Variants in LINGO3 observed in about 807,000 individuals in gnomAD.
LINGO3 encodes leucine rich repeat and Ig domain containing 3.
For missense variants in LINGO3, 750 were observed against 867.7 expected (o/e 0.86, Z 1.70); for synonymous variants, 427 against 444.2 (o/e 0.96, Z 0.49).
downstream of LINGO3, among the ~76,000 whole-genome samples, chr19:2,287,202 C>T (rs1310165431): frequency 2.0e-5 from 3 of 151,956 alleles, no homozygotes; most frequent in African/African-American, 7.3e-5. This position sits in a 1 kb window ranked among gnomAD's most constrained non-coding sequence, Gnocchi z 4.5. Flanking sequence ...TGGATTTGAA[C>T]CAAATACAGC....
chr19:2,302,999 C>G, the LINGO3 span, among the ~76,000 whole-genome samples: 2 of 152,264 alleles, frequency 1.3e-5, no homozygotes, highest in Admixed American at 1.3e-4. Context: ...CTGTGCACGG[C>G]GCATCCACGC....
At chr19:2,292,951 C>T (rs2025540478), upstream of LINGO3, among the ~76,000 whole-genome samples, 1 of 152,202 alleles carries the variant, frequency 6.6e-6, no homozygotes, top group Non-Finnish European at 1.5e-5. Flanking sequence ...ACGAACACGA[C>T]TCAGCCATGA....
At chr19:2,297,348 A>G in the LINGO3 span, among the ~76,000 whole-genome samples, 1 of 109,292 alleles carries the variant, frequency 9.1e-6, no homozygotes, top group South Asian at 3.4e-4. Flanking sequence ...TCTGTCGCCC[A>G]GGCTGGAGTG....
At chr19:2,296,490 T>G (rs1418488191), upstream of LINGO3, among the ~76,000 whole-genome samples, 2 of 151,922 alleles carry the variant, frequency 1.3e-5, no homozygotes, top group African/African-American at 2.4e-5. Context: ...TTGGTTCTTT[T>G]TTTTTTGAGT....
At chr19:2,299,871 C>T in the LINGO3 span, among the ~76,000 whole-genome samples, 1 of 149,572 alleles carries the variant, frequency 6.7e-6, no homozygotes, top group Non-Finnish European at 1.5e-5. Context: ...CTACAGGCGC[C>T]CGCCACCACG....
downstream of LINGO3, among the ~76,000 whole-genome samples, chr19:2,288,541 G>A (rs1004297572): frequency 5.9e-5 from 9 of 152,192 alleles, no homozygotes; most frequent in Admixed American, 1.3e-4. This position sits in a 1 kb window ranked among gnomAD's most constrained non-coding sequence, Gnocchi z 6.5. Flanking sequence ...GTTCTGGGCC[G>A]GGGCAGGGTG....
chr19:2,294,229 A>G (rs2025553821), upstream of LINGO3, among the ~76,000 whole-genome samples: 1 of 152,134 alleles, frequency 6.6e-6, no homozygotes, highest in Non-Finnish European at 1.5e-5. This position sits in a 1 kb window ranked among gnomAD's most constrained non-coding sequence, Gnocchi z 4.3. Context: ...ACACACACCT[A>G]GCCCTATACA....
upstream of LINGO3, among the ~76,000 whole-genome samples, chr19:2,294,834 G>A (rs943558441): frequency 6.6e-6 from 1 of 152,082 alleles, no homozygotes; most frequent in African/African-American, 2.4e-5. This position sits in a 1 kb window ranked among gnomAD's most constrained non-coding sequence, Gnocchi z 4.3. Context: ...TGGAGGGAGC[G>A]GGAGGAAGCA....
the LINGO3 span, among the ~76,000 whole-genome samples, chr19:2,300,674 A>G: frequency 1.1e-4 from 16 of 152,032 alleles, no homozygotes; most frequent in East Asian, 2.1e-3. Flanking sequence ...CCCACAGGCC[A>G]GAGTCCTCCC....
the LINGO3 span, among the ~76,000 whole-genome samples, chr19:2,297,753 C>T: frequency 8.6e-5 from 13 of 152,026 alleles, no homozygotes; most frequent in East Asian, 7.7e-4. Flanking sequence ...TACAGGCATA[C>T]GCCACCACGC....
At chr19:2,301,728 C>A in the LINGO3 span, among the ~76,000 whole-genome samples, 3 of 151,942 alleles carry the variant, frequency 2.0e-5, no homozygotes, top group African/African-American at 7.2e-5. Flanking sequence ...GAGATGGAGA[C>A]CATCCTGGTT....
the LINGO3 span, among the ~76,000 whole-genome samples, chr19:2,301,601 T>C: frequency 6.6e-6 from 1 of 151,948 alleles, no homozygotes; most frequent in Non-Finnish European, 1.5e-5. Context: ...GGCGACGTGC[T>C]CAGGGCCACA....
At chr19:2,296,860 G>A (rs62119708), upstream of LINGO3, among the ~76,000 whole-genome samples, 89,292 of 150,550 alleles carry the variant, frequency 0.59, 29,904 homozygotes, top group Non-Finnish European at 0.78. Flanking sequence ...AGGCCGAGGC[G>A]GGCAGATCAC....
At chr19:2,298,977 C>G in the LINGO3 span, among the ~76,000 whole-genome samples, 8 of 152,166 alleles carry the variant, frequency 5.3e-5, no homozygotes, top group African/African-American at 1.9e-4. Flanking sequence ...CGGGAGGCCT[C>G]AATTCGGATG....
downstream of LINGO3, among the ~76,000 whole-genome samples, chr19:2,287,223 G>A (rs1305659853): frequency 3.3e-5 from 5 of 152,202 alleles, 1 homozygote; most frequent in Admixed American, 2.0e-4. The surrounding 1 kb of genome is among the most constrained non-coding windows in gnomAD (Gnocchi z 4.5). Context: ...AGGATGAGGG[G>A]TGGGGGTGCT....
At chr19:2,293,884 C>A (rs1205355400), upstream of LINGO3, among the ~76,000 whole-genome samples, 1 of 151,884 alleles carries the variant, frequency 6.6e-6, no homozygotes, top group African/African-American at 2.4e-5. Context: ...GAACCCCCGT[C>A]TCAACTAAAA....
the LINGO3 span, among the ~76,000 whole-genome samples, chr19:2,299,232 G>C: frequency 8.2e-4 from 125 of 152,260 alleles, no homozygotes; most frequent in African/African-American, 2.9e-3. Flanking sequence ...GGGGAGGCAG[G>C]AGGGGGGATC....
At chr19:2,288,154 C>A (rs1024436267), downstream of LINGO3, among the ~76,000 whole-genome samples, 19 of 152,218 alleles carry the variant, frequency 1.2e-4, no homozygotes, top group African/African-American at 4.6e-4. This position sits in a 1 kb window ranked among gnomAD's most constrained non-coding sequence, Gnocchi z 6.5. Context: ...CTCAGGGAAG[C>A]TCTTCCTTGA....
chr19:2,300,166 G>T, the LINGO3 span, among the ~76,000 whole-genome samples: 4 of 151,616 alleles, frequency 2.6e-5, no homozygotes, highest in African/African-American at 9.7e-5. Context: ...TGAGTAGCTG[G>T]GATTAAAGGT....
Sources: allele counts gnomAD v4.1 joint callset (sites outside exome capture counted in the v4.1 genomes callset), GRCh38; gene constraint gnomAD v4.1.1; non-coding constraint Gnocchi (gnomAD v3.1); transcripts MANE v1.5; gene names NCBI Gene and HGNC (gene_info 2026-07-23, HGNC 2026-07-21).